Variants in NSMCE2 observed in about 807,000 individuals in gnomAD.
NSMCE2 encodes E3 SUMO-protein ligase NSE2.
In NSMCE2, 24 loss-of-function variants were observed where a neutral mutation model predicts 23.8. The observed-to-expected ratio is 1.01, with a 90% CI of 0.73 to 1.42. The LOEUF (loss-of-function observed/expected upper bound fraction) is 1.42, where lower values mean the gene tolerates loss of function less well. Ranked by LOEUF, NSMCE2 falls within the 40% of genes most tolerant of loss-of-function variation. The pLI is 0.00. For synonymous variants in NSMCE2, 92 were observed against 94.1 expected (o/e 0.98, Z 0.13); for missense variants, 284 against 296.5 (o/e 0.96, Z 0.31).
At chr8:125,121,350 C>T (rs1819254044) in intron 3 of NSMCE2, among the ~76,000 whole-genome samples, 1 of 152,114 alleles carries the variant, frequency 6.6e-6, no homozygotes, top group Non-Finnish European at 1.5e-5. Flanking sequence ...GTAATTTTGT[C>T]CCTTTATTGT....
intron 5 of NSMCE2, among the ~76,000 whole-genome samples, chr8:125,202,253 C>T (rs1455450350): frequency 6.6e-6 from 1 of 152,246 alleles, no homozygotes. Flanking sequence ...TGAGATGAAC[C>T]AGGAACCTCA....
intron 5 of NSMCE2, among the ~76,000 whole-genome samples, chr8:125,315,032 A>C (rs532258883): frequency 5.3e-5 from 8 of 152,328 alleles, no homozygotes; most frequent in Non-Finnish European, 7.4e-5. Flanking sequence ...GGCACAAAGA[A>C]TCACATAAGG....
chr8:125,112,026 T>C (rs866975329), intron 3 of NSMCE2, among the ~76,000 whole-genome samples: 2 of 152,150 alleles, frequency 1.3e-5, no homozygotes, highest in Non-Finnish European at 2.9e-5. Context: ...AATTATTGAA[T>C]AGAAGGAGTA....
chr8:125,350,643 A>G (rs1812993832), intron 5 of NSMCE2, among the ~76,000 whole-genome samples: 1 of 152,108 alleles, frequency 6.6e-6, no homozygotes, highest in African/African-American at 2.4e-5. Flanking sequence ...CTGGCAGGCA[A>G]AGAGAGAGAG....
intron 5 of NSMCE2, among the ~76,000 whole-genome samples, chr8:125,286,404 C>T (rs996354537): frequency 1.4e-4 from 22 of 151,846 alleles, no homozygotes; most frequent in Non-Finnish European, 5.9e-5. Context: ...CCTCCGCCTC[C>T]TGGGTTCAAG....
At chr8:125,312,086 A>C (rs2131234504) in intron 5 of NSMCE2, among the ~76,000 whole-genome samples, 1 of 150,106 alleles carries the variant, frequency 6.7e-6, no homozygotes, top group Admixed American at 6.6e-5. Flanking sequence ...AAAAAAAAAA[A>C]AAAAAAAGAA....
At chr8:125,289,476 C>G (rs1465403336) in intron 5 of NSMCE2, among the ~76,000 whole-genome samples, 1 of 152,168 alleles carries the variant, frequency 6.6e-6, no homozygotes, top group African/African-American at 2.4e-5. Flanking sequence ...GGCCTTTCAT[C>G]CATGCTGCTG....
intron 4 of NSMCE2, among the ~76,000 whole-genome samples, chr8:125,153,072 AAAAAAAAAAGAATTGAACTTTT>A (rs1821126922): frequency 6.6e-6 from 1 of 151,648 alleles, no homozygotes; most frequent in Admixed American, 6.6e-5. Context: ...AAAAAAAAAA[AAAAAAAAAAGAATTGAACTTTT>A]CCCCCTTCAG....
intron 3 of NSMCE2, among the ~76,000 whole-genome samples, chr8:125,143,738 A>C (rs1261303327): frequency 6.6e-6 from 1 of 152,254 alleles, no homozygotes; most frequent in Non-Finnish European, 1.5e-5. Context: ...GGCCGTGGGC[A>C]AAACTATACA....
chr8:125,133,540 G>A (rs1001872763), intron 3 of NSMCE2, among the ~76,000 whole-genome samples: 1 of 152,146 alleles, frequency 6.6e-6, no homozygotes, highest in African/African-American at 2.4e-5. Flanking sequence ...AGGAGTTCGA[G>A]ATCAGCCTGG....
intron 5 of NSMCE2, among the ~76,000 whole-genome samples, chr8:125,283,697 G>A (rs762660813): frequency 6.6e-6 from 1 of 152,202 alleles, no homozygotes; most frequent in Non-Finnish European, 1.5e-5. Flanking sequence ...GAAAGGTATT[G>A]TTTGGTAGCG....
chr8:125,250,630 C>T (rs1369449244), intron 5 of NSMCE2, among the ~76,000 whole-genome samples: 1 of 152,092 alleles, frequency 6.6e-6, no homozygotes, highest in Non-Finnish European at 1.5e-5. Flanking sequence ...CTCTTGCAGA[C>T]ATTTCTTCGG....
chr8:125,288,758 T>C (rs538499413), intron 5 of NSMCE2, among the ~76,000 whole-genome samples: 24 of 152,204 alleles, frequency 1.6e-4, no homozygotes, highest in Non-Finnish European at 3.4e-4. Context: ...GAGTTTTTTT[T>C]AGGACAAGTC....
Position 125,182,160 on chromosome 8 carries a change from T to G in NSMCE2, c.322T>G (p.Phe108Val), listed in dbSNP as rs1297054956. 1 of 1,606,100 alleles carries G rather than the reference T, an allele frequency of 6.2e-7. No homozygotes were observed. The highest frequency in any genetic ancestry group is 8.5e-7 in the Non-Finnish European group (1 of 1,175,684). The change falls in exon 5 of 8, where the codon TTT (phenylalanine) becomes GTT (valine). Residue 108 changes from phenylalanine (F) to valine (V), a missense_variant. Transcript: ENST00000287437. ...PDLKLLVEKK[F>V]LALQSKNSDA... ...TTTAAAATTATTGGTAGAGAAGAAA[T>G]TTTTGGCTTTACAGAGCAAGAATTC...
chr8:125,095,434 TAAAAAAG>T (rs1334605882), intron 1 of NSMCE2, among the ~76,000 whole-genome samples: 12 of 149,490 alleles, frequency 8.0e-5, no homozygotes, highest in African/African-American at 3.0e-4. Context: ...TACTAAAAAT[TAAAAAAG>T]AAAAATTGGC....
At chr8:125,146,677 A>T (rs1434765934) in intron 3 of NSMCE2, among the ~76,000 whole-genome samples, 1 of 152,146 alleles carries the variant, frequency 6.6e-6, no homozygotes, top group Non-Finnish European at 1.5e-5. Context: ...GTTCTCACTC[A>T]TAGGTGGGAA....
At chr8:125,279,935 G>C (rs1402301449) in intron 5 of NSMCE2, among the ~76,000 whole-genome samples, 2 of 152,144 alleles carry the variant, frequency 1.3e-5, no homozygotes, top group Non-Finnish European at 2.9e-5. Flanking sequence ...CTCTATCAAT[G>C]AGTAAGAAAT....
intron 5 of NSMCE2, among the ~76,000 whole-genome samples, chr8:125,272,718 T>A (rs201132241): frequency 8.7e-5 from 7 of 80,034 alleles, no homozygotes; most frequent in East Asian, 3.2e-4. Context: ...ATATATATAA[T>A]ATATATATAT....
At chr8:125,143,887 A>T (rs1480223457) in intron 3 of NSMCE2, among the ~76,000 whole-genome samples, 1 of 152,204 alleles carries the variant, frequency 6.6e-6, no homozygotes, top group Non-Finnish European at 1.5e-5. Context: ...TTGTAGACCC[A>T]TAAGGTATGA....
Sources: gnomAD v4.1 joint callset for allele counts (sites outside exome capture counted in the v4.1 genomes callset) on GRCh38, gnomAD v4.1.1 for gene constraint, MANE v1.5 for transcripts, NCBI Gene and HGNC (gene_info 2026-07-23, HGNC 2026-07-21) for gene names.